Variants in BRINP1 observed in about 807,000 individuals in gnomAD.
The protein encoded by BRINP1 is BMP/retinoic acid-inducible neural-specific protein 1.
A neutral mutation model predicts 72.9 loss-of-function variants in BRINP1; 17 were observed. That is an observed-to-expected ratio of 0.23 (90% CI 0.16 to 0.35). BRINP1 has a LOEUF of 0.35. BRINP1 is among the 10% of genes least tolerant of loss of function. The pLI is 1.00. For synonymous variants in BRINP1, 418 were observed against 378.5 expected, an observed-to-expected ratio of 1.10 and a Z score of -1.21; for missense variants, 850 against 1,001.6, an observed-to-expected ratio of 0.85 and a Z score of 2.04.
chr9:119,198,924 C>T (rs1829774926), intron 7 of BRINP1, among the ~76,000 whole-genome samples: 1 of 152,110 alleles, frequency 6.6e-6, no homozygotes. Context: ...CTGCTAGCCT[C>T]GGCCTCCCAA....
rs142892958 is a variant in BRINP1 at position 119,291,993 on chromosome 9, A to G, written c.218+21145T>C. Among the ~76,000 whole-genome samples the G allele has an allele frequency of 2.0e-4, 30 of 152,298 alleles. No homozygotes were observed. The East Asian group carries it at 4.8e-3, about 24-fold the overall frequency. On this transcript the variant is annotated intron_variant, in intron 2 of 7. Coordinates refer to ENST00000265922, the MANE Select transcript of BRINP1 (RefSeq NM_014618.3). The stretch of plus-strand genomic sequence containing the variant: ...AAGAAAACAATCTTAGAAAAAAAAT[A>G]CTTTATTCCCGGAGTCAGAAAATGA...
Position 119,242,173 on chromosome 9 carries a change from G to C in BRINP1, c.453C>G (p.Asp151Glu). 1 of 1,614,148 alleles carries C rather than the reference G, an allele frequency of 6.2e-7. No individual in the cohort carries two copies. The highest frequency in any genetic ancestry group is 8.5e-7 in the Non-Finnish European group (1 of 1,180,034). Residue 151 changes from aspartate to glutamate, a missense_variant, in exon 4 of 8, where the codon GAC becomes GAG. Coordinates refer to ENST00000265922, the MANE Select transcript of BRINP1 (RefSeq NM_014618.3). ...TTTGAGTGGCATTCCCTGACTTCCT[G>C]TCGAGGCGACTTTTGTCCATATACA... ...LTMYMDKSRL[D>E]RKSGNATQSV...
intron 1 of BRINP1, among the ~76,000 whole-genome samples, chr9:119,341,804 C>T (rs1203215438): frequency 6.6e-6 from 1 of 152,274 alleles, no homozygotes; most frequent in Middle Eastern, 3.4e-3. Flanking sequence ...CACTCTATCA[C>T]GTATGTTGGA....
intron 6 of BRINP1, among the ~76,000 whole-genome samples, chr9:119,212,500 A>G (rs1162230807): frequency 6.6e-6 from 1 of 152,248 alleles, no homozygotes; most frequent in Non-Finnish European, 1.5e-5. Context: ...ATTTGGAATC[A>G]GGAATTCCAT....
intron 2 of BRINP1, among the ~76,000 whole-genome samples, chr9:119,310,089 T>G (rs1009898699): frequency 6.6e-6 from 1 of 152,102 alleles, no homozygotes; most frequent in Non-Finnish European, 1.5e-5. Context: ...TTTCACAGAA[T>G]CATGGAATTT....
intron 5 of BRINP1, among the ~76,000 whole-genome samples, chr9:119,222,043 A>G (rs1830046222): frequency 1.3e-5 from 2 of 152,158 alleles, no homozygotes; most frequent in African/African-American, 4.8e-5. Flanking sequence ...TTCACATGAC[A>G]TGTTTTGGCC....
chr9:119,345,752 T>TA (rs1268258742), intron 1 of BRINP1, among the ~76,000 whole-genome samples: 7 of 152,304 alleles, frequency 4.6e-5, no homozygotes, highest in Non-Finnish European at 2.9e-5. Context: ...GTGGACTCCC[T>TA]ACTACACCAT....
chr9:119,349,999 C>T (rs1000588804), intron 1 of BRINP1, among the ~76,000 whole-genome samples: 1 of 152,146 alleles, frequency 6.6e-6, no homozygotes, highest in African/African-American at 2.4e-5. Context: ...GCTTTAAGAT[C>T]TAGATGCACA....
intron 5 of BRINP1, among the ~76,000 whole-genome samples, chr9:119,227,957 AT>A (rs1195672979): frequency 1.3e-5 from 2 of 152,056 alleles, no homozygotes; most frequent in Non-Finnish European, 2.9e-5. Context: ...TCTCAAAAAA[AT>A]GTTATTTTTA....
At chr9:119,248,551 T>C (rs947590852) in intron 3 of BRINP1, among the ~76,000 whole-genome samples, 3 of 152,208 alleles carry the variant, frequency 2.0e-5, no homozygotes, top group Admixed American at 1.3e-4. Context: ...TGATAGCCTG[T>C]TTGTAAAAGG....
At chr9:119,236,801 C>T (rs1221908563) in intron 5 of BRINP1, among the ~76,000 whole-genome samples, 1 of 152,138 alleles carries the variant, frequency 6.6e-6, no homozygotes, top group Non-Finnish European at 1.5e-5. Flanking sequence ...TTTCTGTCTA[C>T]TCTTTTTTCT....
intron 7 of BRINP1, among the ~76,000 whole-genome samples, chr9:119,194,483 C>T (rs1402419205): frequency 2.6e-5 from 4 of 152,116 alleles, no homozygotes; most frequent in Admixed American, 2.6e-4. Context: ...ACACAGTTGA[C>T]CTACAGAGGA....
intron 1 of BRINP1, among the ~76,000 whole-genome samples, chr9:119,339,437 T>C (rs1175927789): frequency 6.6e-6 from 1 of 152,222 alleles, no homozygotes; most frequent in Non-Finnish European, 1.5e-5. Flanking sequence ...AATATCAGCA[T>C]CAAGAGGTCA....
intron 1 of BRINP1, among the ~76,000 whole-genome samples, chr9:119,367,907 G>A (rs1481208750): frequency 6.6e-6 from 1 of 152,056 alleles, no homozygotes; most frequent in East Asian, 1.9e-4. Flanking sequence ...CTAACTCCAG[G>A]GGAGCCATGG....
Position 119,208,880 on chromosome 9 carries a change from G to T in BRINP1, c.984C>A (p.Ile328=). 2 of 1,614,188 alleles carry T rather than the reference G, an allele frequency of 1.2e-6. No homozygotes were observed. Among genetic ancestry groups the T allele is most frequent in the South Asian group, 1.1e-5 (1 of 91,084 alleles). Residue 328 remains isoleucine, a synonymous_variant, in exon 7 of 8, where the codon ATC becomes ATA. Transcript: ENST00000265922. ...CCCAGTCATTGCCCCAGTGCTGATG[G>T]ATGCTTCCGATGGTCAGGAAGTGGT... ...PSNHFLTIGS[I]HQHWGNDWDL... is the part of the protein sequence containing the mutation.
At chr9:119,207,365 C>T (rs557567682) in intron 7 of BRINP1, among the ~76,000 whole-genome samples, 15 of 152,194 alleles carry the variant, frequency 9.9e-5, no homozygotes, top group Admixed American at 2.0e-4. Context: ...CAAAAGTCAT[C>T]GTGGTTTTTG....
intron 5 of BRINP1, among the ~76,000 whole-genome samples, chr9:119,231,854 CAAT>C (rs1016547415): frequency 4.6e-5 from 7 of 152,108 alleles, no homozygotes; most frequent in African/African-American, 1.7e-4. Context: ...CTCCATGGCA[CAAT>C]AACTGAATTT....
intron 2 of BRINP1, among the ~76,000 whole-genome samples, chr9:119,274,848 G>A (rs914650): frequency 1.3e-5 from 2 of 151,770 alleles, no homozygotes; most frequent in Non-Finnish European, 2.9e-5. Flanking sequence ...TCTAATTAAG[G>A]TATAGATATA....
intron 1 of BRINP1, among the ~76,000 whole-genome samples, chr9:119,352,682 C>T (rs528121972): frequency 3.4e-4 from 52 of 152,356 alleles, no homozygotes; most frequent in African/African-American, 1.2e-3. Context: ...GCTGGGATTA[C>T]AGGCGTGAGC....
Sources: allele counts gnomAD v4.1 joint callset (sites outside exome capture counted in the v4.1 genomes callset), GRCh38; gene constraint gnomAD v4.1.1; transcripts MANE v1.5; gene names NCBI Gene and HGNC (gene_info 2026-07-23, HGNC 2026-07-21).